SNX10: variants seen among roughly 807,000 people sequenced by gnomAD.
SNX10 encodes the protein sorting nexin 10.
In SNX10, 25 loss-of-function variants were observed where a neutral mutation model predicts 28.5. The ratio of observed to expected loss-of-function variants is 0.88; its 90% CI spans 0.64 to 1.22. SNX10 has a LOEUF of 1.22. Among genes scored for constraint, SNX10 ranks in the 50% most tolerant of loss-of-function variants. The probability of loss-of-function intolerance (pLI) is 0.00; values close to 1 mark genes in which losing one functional copy is unlikely to be tolerated. For missense variants in SNX10, 223 were observed against 242.6 expected, an observed-to-expected ratio of 0.92 and a Z score of 0.54; for synonymous variants, 62 against 81.4, an observed-to-expected ratio of 0.76 and a Z score of 1.28.
At chr7:26,370,216 A>G (rs1261757998) in intron 5 of SNX10, among the ~76,000 whole-genome samples, 2 of 152,236 alleles carry the variant, frequency 1.3e-5, no homozygotes, top group African/African-American at 4.8e-5. Flanking sequence ...AGTTCGTATT[A>G]ATGGATTGTT....
intron 1 of SNX10, 102 bp from the exon 2 acceptor site, chr7:26,346,318 G>T: frequency 4.0e-6 from 3 of 750,276 alleles, no homozygotes; most frequent in Non-Finnish European, 7.3e-6. Context: ...ACTGTGGGGC[G>T]GGGGGGGCTC....
intron 5 of SNX10, among the ~76,000 whole-genome samples, chr7:26,367,040 T>C (rs2698715): frequency 0.27 from 41,293 of 152,046 alleles, 6,248 homozygotes; most frequent in East Asian, 0.43. Context: ...GTTTTTTTTC[T>C]AGCTGCATGT....
chr7:26,295,405 G>T (rs1786071873), intron 1 of SNX10, among the ~76,000 whole-genome samples: 1 of 152,102 alleles, frequency 6.6e-6, no homozygotes, highest in Admixed American at 6.5e-5. Flanking sequence ...CTGGGGGAGA[G>T]AATCTGTAGC....
chr7:26,305,888 T>C (rs958434013), intron 1 of SNX10, among the ~76,000 whole-genome samples: 2 of 152,146 alleles, frequency 1.3e-5, no homozygotes, highest in African/African-American at 4.8e-5. Flanking sequence ...ACTTCTGTTA[T>C]TTTAAAAATT....
intron 2 of SNX10, among the ~76,000 whole-genome samples, chr7:26,359,701 G>A (rs1562817769): frequency 6.7e-6 from 1 of 149,476 alleles, no homozygotes; most frequent in African/African-American, 2.5e-5. Flanking sequence ...GACTTGCTCT[G>A]TCGCCAGGCT....
At chr7:26,342,694 T>C (rs1788228442) in intron 1 of SNX10, among the ~76,000 whole-genome samples, 4 of 152,302 alleles carry the variant, frequency 2.6e-5, no homozygotes, top group Admixed American at 2.6e-4. Flanking sequence ...TGATCACCAT[T>C]TTCACTGTAC....
At chr7:26,313,723 A>T (rs550261185) in intron 1 of SNX10, among the ~76,000 whole-genome samples, 4 of 151,172 alleles carry the variant, frequency 2.6e-5, no homozygotes, top group Non-Finnish European at 5.9e-5. Flanking sequence ...GTGGCATAAT[A>T]ATTAAAAAAA....
intron 2 of SNX10, among the ~76,000 whole-genome samples, chr7:26,352,287 G>A (rs1475405615): frequency 3.3e-5 from 5 of 152,148 alleles, no homozygotes; most frequent in Admixed American, 6.5e-5. Flanking sequence ...ATAAAGCTGG[G>A]TGTGTTGGTG....
At chr7:26,304,923 T>G (rs567419029) in intron 1 of SNX10, among the ~76,000 whole-genome samples, 1 of 152,158 alleles carries the variant, frequency 6.6e-6, no homozygotes, top group East Asian at 1.9e-4. Context: ...ATGGCCCAGG[T>G]AAATCCAAAG....
At chr7:26,369,272 G>A (rs1260604976) in intron 5 of SNX10, among the ~76,000 whole-genome samples, 1 of 151,986 alleles carries the variant, frequency 6.6e-6, no homozygotes, top group Non-Finnish European at 1.5e-5. Context: ...TTGATTTTGG[G>A]CTATTAGATT....
At chr7:26,344,977 C>T (rs1375482323) in intron 1 of SNX10, among the ~76,000 whole-genome samples, 2 of 152,192 alleles carry the variant, frequency 1.3e-5, no homozygotes, top group African/African-American at 2.4e-5. Flanking sequence ...TTCTTCCAGC[C>T]CCAGGGGCTC....
At chr7:26,325,344 G>A (rs552498965) in intron 1 of SNX10, among the ~76,000 whole-genome samples, 6 of 38,222 alleles carry the variant, frequency 1.6e-4, no homozygotes, top group African/African-American at 3.0e-4. Context: ...ATGGAGTCTC[G>A]CTGTGTTGCC....
chr7:26,328,571 C>G (rs1219981130), intron 1 of SNX10, among the ~76,000 whole-genome samples: 1 of 152,088 alleles, frequency 6.6e-6, no homozygotes, highest in Non-Finnish European at 1.5e-5. Flanking sequence ...CTGCCAGTGG[C>G]CCACTGGGGA....
At position 26,364,307 on chromosome 7, in the gene SNX10, A is replaced by C; in HGVS notation, c.112-228A>C. On this transcript the variant is annotated intron_variant, in intron 3 of 6. Coordinates refer to ENST00000338523, the MANE Select transcript of SNX10 (RefSeq NM_013322.3). The surrounding 1 kb of genome is among the most constrained non-coding windows in gnomAD (Gnocchi z 4.9). ...AGGATGCAGGGAGTGGCCAGGTCAT[A>C]CCTCACCCTGGGGCAACACTGCTTA... The C allele has an allele frequency of 1.6e-6, 2 of 1,236,994 alleles. No individual in the cohort carries two copies. Among genetic ancestry groups the C allele is most frequent in the Non-Finnish European group, 2.0e-6 (2 of 987,282 alleles). The allele number at this position is 1,236,994 out of a possible 1,614,324, so 76.6% of individuals were successfully genotyped here.
intron 1 of SNX10, among the ~76,000 whole-genome samples, chr7:26,317,320 G>C (rs1787131140): frequency 6.6e-6 from 1 of 152,138 alleles, no homozygotes; most frequent in Admixed American, 6.6e-5. Flanking sequence ...AGATGGATTT[G>C]AATTCCAGCA....
intron 2 of SNX10, among the ~76,000 whole-genome samples, chr7:26,348,522 G>T (rs1026160391): frequency 2.6e-5 from 4 of 152,234 alleles, no homozygotes; most frequent in African/African-American, 7.2e-5. Flanking sequence ...GGGCAGTCAG[G>T]TGGGGTCCAA....
At chr7:26,332,144 T>C (rs1288741664) in intron 1 of SNX10, among the ~76,000 whole-genome samples, 1 of 152,224 alleles carries the variant, frequency 6.6e-6, no homozygotes, top group Non-Finnish European at 1.5e-5. Context: ...TATATTTAAT[T>C]CTTCAAGAAA....
chr7:26,310,777 G>C (rs1395291184), intron 1 of SNX10, among the ~76,000 whole-genome samples: 1 of 151,886 alleles, frequency 6.6e-6, no homozygotes, highest in Non-Finnish European at 1.5e-5. Flanking sequence ...CGCCTCCTGG[G>C]GTTCACGCCA....
chr7:26,319,422 A>G (rs760159783), intron 1 of SNX10, among the ~76,000 whole-genome samples: 1 of 152,182 alleles, frequency 6.6e-6, no homozygotes, highest in Non-Finnish European at 1.5e-5. Flanking sequence ...GTTGCCTTAA[A>G]TCTATCTGGG....
Sources: allele counts gnomAD v4.1 joint callset (sites outside exome capture counted in the v4.1 genomes callset), GRCh38; gene constraint gnomAD v4.1.1; non-coding constraint Gnocchi (gnomAD v3.1); transcripts MANE v1.5; gene names NCBI Gene and HGNC (gene_info 2026-07-23, HGNC 2026-07-21).